Variants in DLG2 observed in about 807,000 individuals in gnomAD.
DLG2 encodes the protein disks large homolog 2.
Under a neutral mutation model 132.5 loss-of-function variants are expected in DLG2, and 45 were observed. The ratio of observed to expected loss-of-function variants is 0.34; its 90% CI spans 0.27 to 0.44. The LOEUF (loss-of-function observed/expected upper bound fraction) is 0.44, where lower values mean the gene tolerates loss of function less well. DLG2 is among the 20% of genes least tolerant of loss of function. The pLI, the probability that DLG2 is intolerant of heterozygous loss-of-function variation, is 1.00. For missense variants in DLG2, 1,045 were observed against 1,196.9 expected (o/e 0.87, Z 1.87); for synonymous variants, 424 against 419.6 (o/e 1.01, Z -0.13).
chr11:84,366,908 C>T (rs1437981877), intron 7 of DLG2, among the ~76,000 whole-genome samples: 1 of 152,048 alleles, frequency 6.6e-6, no homozygotes, highest in Non-Finnish European at 1.5e-5. Context: ...ATCAACGAGA[C>T]AGAAAGTCAA....
intron 4 of DLG2, among the ~76,000 whole-genome samples, chr11:85,230,682 T>C (rs527442382): frequency 5.5e-4 from 83 of 152,042 alleles, no homozygotes; most frequent in African/African-American, 1.9e-3. Context: ...ATGGTTATGA[T>C]TGATGTTCAT....
chr11:85,560,868 CA>C (rs1456713514), intron 3 of DLG2, among the ~76,000 whole-genome samples: 1 of 150,634 alleles, frequency 6.6e-6, no homozygotes, highest in Non-Finnish European at 1.5e-5. Flanking sequence ...ATCGTCTCTA[CA>C]AAAAATTTAA....
chr11:83,469,110 A>T, intron 25 of DLG2, 91 bp downstream of exon 25: 1 of 946,966 alleles, frequency 1.1e-6, no homozygotes, highest in Non-Finnish European at 1.6e-6. Context: ...AATTGCAATC[A>T]AGAAAGAGTA....
rs569949100 is a variant in DLG2 at position 84,092,219 on chromosome 11, G to T, written c.749+6704C>A. Among the ~76,000 whole-genome samples the T allele has an allele frequency of 7.9e-5, 12 of 152,272 alleles. No homozygotes were observed. The South Asian group carries it at 2.5e-3, about 32-fold the overall frequency. ...GGAAAGGGATGTAGGTTATTAGGGG[G>T]CATCTTAGAATTTTGCCTACCACAC... On this transcript the variant is annotated intron_variant, in intron 10 of 27. Transcript: ENST00000376104.
intron 6 of DLG2, among the ~76,000 whole-genome samples, chr11:84,863,631 C>A (rs1006378828): frequency 6.6e-6 from 1 of 152,126 alleles, no homozygotes; most frequent in Admixed American, 6.5e-5. Flanking sequence ...AGGCAACATC[C>A]TAGCACCAAA....
Position 84,877,421 on chromosome 11 carries a change from C to A in DLG2, c.357+234240G>T, listed in dbSNP as rs1202650369. Among the ~76,000 whole-genome samples the A allele has an allele frequency of 5.3e-5, 8 of 151,910 alleles. No individual in the cohort carries two copies. In the East Asian group the frequency reaches 1.5e-3, roughly 29 times the overall value. On this transcript the variant is annotated intron_variant, in intron 6 of 27. Coordinates refer to ENST00000376104, the MANE Select transcript of DLG2 (RefSeq NM_001142699.3). The stretch of plus-strand genomic sequence containing the variant: ...AATTAGCTCTTCTTGTTGCATTGAT[C>A]CCTTTACCATTATGTAATGCCCTTC...
intron 4 of DLG2, among the ~76,000 whole-genome samples, chr11:85,248,316 C>T (rs1034871964): frequency 2.6e-5 from 4 of 151,994 alleles, no homozygotes; most frequent in Non-Finnish European, 5.9e-5. Flanking sequence ...GTTGTGGTCA[C>T]CCTTGTAAAA....
At chr11:84,405,280 A>G (rs1247173802) in intron 7 of DLG2, among the ~76,000 whole-genome samples, 2 of 152,218 alleles carry the variant, frequency 1.3e-5, no homozygotes, top group Admixed American at 1.3e-4. Flanking sequence ...CAACCTTAGT[A>G]TCTCCATCCT....
intron 21 of DLG2, among the ~76,000 whole-genome samples, chr11:83,509,415 C>G (rs1472747558): frequency 5.9e-5 from 9 of 152,200 alleles, no homozygotes; most frequent in Admixed American, 4.6e-4. Flanking sequence ...ACCCAAATCT[C>G]TCCACCTACA....
intron 8 of DLG2, among the ~76,000 whole-genome samples, chr11:84,194,877 C>A (rs1354698074): frequency 6.6e-6 from 1 of 152,212 alleles, no homozygotes; most frequent in Non-Finnish European, 1.5e-5. Flanking sequence ...GCGGCGCTGG[C>A]CAGCTGCTCC....
intron 6 of DLG2, among the ~76,000 whole-genome samples, chr11:84,834,683 T>A (rs1325430672): frequency 6.6e-6 from 1 of 151,296 alleles, no homozygotes; most frequent in Non-Finnish European, 1.5e-5. Flanking sequence ...AGGGCAAACA[T>A]TTTGGAGGAA....
intron 7 of DLG2, among the ~76,000 whole-genome samples, chr11:84,268,366 G>T (rs1184799786): frequency 6.6e-6 from 1 of 151,940 alleles, no homozygotes. Flanking sequence ...TAATGAGGTG[G>T]TTAAGAATAA....
At chr11:85,544,669 G>C (rs1232835612) in intron 3 of DLG2, among the ~76,000 whole-genome samples, 1 of 152,100 alleles carries the variant, frequency 6.6e-6, no homozygotes, top group African/African-American at 2.4e-5. Flanking sequence ...TTATTTCCTT[G>C]AGCAGTGGTT....
At chr11:83,492,235 A>G (rs1591772961) in intron 21 of DLG2, among the ~76,000 whole-genome samples, 1 of 152,060 alleles carries the variant, frequency 6.6e-6, no homozygotes, top group Non-Finnish European at 1.5e-5. Flanking sequence ...TGATCTTCCC[A>G]TTAGACATAG....
chr11:83,495,633 C>CAT (rs2138608510), intron 21 of DLG2, among the ~76,000 whole-genome samples: 1 of 152,212 alleles, frequency 6.6e-6, no homozygotes, highest in South Asian at 2.1e-4. Context: ...CATTTATTAA[C>CAT]ATAGTTATAA....
chr11:85,283,281 G>T (rs1336870308), intron 4 of DLG2, among the ~76,000 whole-genome samples: 1 of 150,520 alleles, frequency 6.6e-6, no homozygotes, highest in Non-Finnish European at 1.5e-5. Flanking sequence ...TTAAAAAAAA[G>T]AAAATTGAAA....
intron 5 of DLG2, among the ~76,000 whole-genome samples, chr11:85,138,584 A>C (rs750964152): frequency 3.9e-5 from 6 of 152,134 alleles, no homozygotes; most frequent in Non-Finnish European, 7.4e-5. Context: ...CTCAACTTGA[A>C]TTCTATCTCC....
intron 3 of DLG2, among the ~76,000 whole-genome samples, chr11:85,442,439 C>T (rs902536063): frequency 1.3e-5 from 2 of 151,916 alleles, no homozygotes; most frequent in Admixed American, 6.6e-5. Context: ...AGATTAGACG[C>T]GGGGATGAAA....
In DLG2 at chr11:85,417,660, G is replaced by T. The variant is rs994834212; in HGVS notation, c.41-132295C>A. On this transcript the variant is annotated intron_variant, in intron 3 of 27. Transcript: ENST00000376104. ...CTATTCAGGGATTCAACTTCTTCTT[G>T]CTTTAGTCTTGTGAGGGTGTATGTG... Among the ~76,000 whole-genome samples, 10 of 152,070 alleles carry T rather than the reference G, an allele frequency of 6.6e-5. No homozygotes were observed. In the East Asian group the frequency reaches 1.2e-3, roughly 18 times the overall value.
Sources: allele counts gnomAD v4.1 joint callset (sites outside exome capture counted in the v4.1 genomes callset), GRCh38; gene constraint gnomAD v4.1.1; transcripts MANE v1.5; gene names NCBI Gene and HGNC (gene_info 2026-07-23, HGNC 2026-07-21).